The following ZFAND3 variants were observed in gnomAD, a reference collection of about 807,000 sequenced individuals.
ZFAND3 encodes the protein zinc finger AN1-type containing 3, also known as AN1-type zinc finger protein 3.
ZFAND3 carries 10 observed loss-of-function variants against 29.6 expected under a neutral mutation model. That is an observed-to-expected ratio of 0.34 (90% CI 0.21 to 0.57). The LOEUF is 0.57. Among genes scored for constraint, ZFAND3 ranks in the 20% least tolerant of loss-of-function variants. The pLI, the probability that ZFAND3 is intolerant of heterozygous loss-of-function variation, is 0.86. For missense variants in ZFAND3, 230 were observed against 304.5 expected (o/e 0.76, Z 1.82); for synonymous variants, 128 against 112.6 (o/e 1.14, Z -0.87).
chr6:38,014,741 A>G (rs1214210046), intron 2 of ZFAND3, among the ~76,000 whole-genome samples: 3 of 152,084 alleles, frequency 2.0e-5, no homozygotes, highest in East Asian at 3.8e-4. Flanking sequence ...CTCCTGGCGG[A>G]TGGGATTGGC....
At chr6:38,002,631 C>T (rs2645108) in intron 2 of ZFAND3, among the ~76,000 whole-genome samples, 2 of 152,072 alleles carry the variant, frequency 1.3e-5, no homozygotes, top group African/African-American at 4.8e-5. Context: ...TGCCACTGCA[C>T]TGCAGCCTGG....
At chr6:37,869,746 C>A (rs549730804) in intron 1 of ZFAND3, among the ~76,000 whole-genome samples, 1 of 151,538 alleles carries the variant, frequency 6.6e-6, no homozygotes, top group African/African-American at 2.4e-5. Flanking sequence ...CTCCTGGCCT[C>A]TAGTGATTCT....
chr6:37,923,817 A>G (rs1050501053), intron 1 of ZFAND3, among the ~76,000 whole-genome samples: 40 of 152,190 alleles, frequency 2.6e-4, no homozygotes, highest in African/African-American at 8.9e-4. Flanking sequence ...GTGCATGACT[A>G]TATGTAATGT....
intron 1 of ZFAND3, among the ~76,000 whole-genome samples, chr6:37,856,194 C>A (rs1764379326): frequency 6.6e-6 from 1 of 151,934 alleles, no homozygotes; most frequent in African/African-American, 2.4e-5. Context: ...CCAGTTTCGC[C>A]ATGTTGCCCG....
intron 2 of ZFAND3, among the ~76,000 whole-genome samples, chr6:38,042,420 TCTC>T (rs981175987): frequency 9.9e-5 from 15 of 151,456 alleles, no homozygotes; most frequent in Admixed American, 9.9e-4. Context: ...TTCAAGCAAT[TCTC>T]CTGCTTCAGC....
chr6:38,152,625 A>G lies in ZFAND3; in HGVS notation c.*236A>G. Reference sequence around the variant, plus strand: ...ATTGTATAAAATTAAAACATGAAGAATATTTTTTTTTTGAGCATGGCTAGT... The same window carrying G: ...ATTGTATAAAATTAAAACATGAAGAGTATTTTTTTTTTGAGCATGGCTAGT... On this transcript the variant is annotated 3_prime_UTR_variant, in exon 6 of 6. Coordinates refer to ENST00000287218, the MANE Select transcript of ZFAND3 (RefSeq NM_021943.3). 8.2e-7 allele frequency: 1 copy of G among 1,219,016 alleles called. No homozygotes were observed. Among genetic ancestry groups the G allele is most frequent in the Non-Finnish European group, 1.0e-6 (1 of 979,462 alleles). The allele number at this position is 1,219,016 out of a possible 1,614,324, so 75.5% of individuals were successfully genotyped here.
intron 4 of ZFAND3, among the ~76,000 whole-genome samples, chr6:38,092,619 C>T (rs1437584328): frequency 1.3e-5 from 2 of 151,902 alleles, no homozygotes; most frequent in African/African-American, 4.8e-5. Flanking sequence ...AGGAGTAGGA[C>T]TGTGTTTTCC....
At chr6:37,849,262 T>TCAATTTTCAA (rs1317416952) in intron 1 of ZFAND3, among the ~76,000 whole-genome samples, 12 of 152,126 alleles carry the variant, frequency 7.9e-5, no homozygotes, top group Admixed American at 2.0e-4. Flanking sequence ...AGAGTTGCAT[T>TCAATTTTCAA]GTTCTATTCA....
Position 38,152,609 on chromosome 6 carries a change from A to T in ZFAND3, c.*220A>T, listed in dbSNP as rs940773480. ...AAGGTGCCTGCTAGCCATTGTATAA[A>T]ATTAAAACATGAAGAATATTTTTTT... On this transcript the variant is annotated 3_prime_UTR_variant, in exon 6 of 6. Coordinates refer to ENST00000287218, the MANE Select transcript of ZFAND3 (RefSeq NM_021943.3). 1.4e-5 allele frequency: 17 copies of T among 1,237,266 alleles called. No individual in the cohort carries two copies. The highest frequency in any genetic ancestry group is 1.7e-5 in the Non-Finnish European group (17 of 990,524). 76.6% of individuals were successfully genotyped at this position (1,237,266 alleles called of 1,614,324 possible).
At chr6:37,904,507 A>C (rs1287296197) in intron 1 of ZFAND3, among the ~76,000 whole-genome samples, 1 of 152,204 alleles carries the variant, frequency 6.6e-6, no homozygotes, top group African/African-American at 2.4e-5. Context: ...CAGCCCAATG[A>C]AAATGTGGAT....
At chr6:38,056,041 G>A (rs1386712790) in intron 2 of ZFAND3, among the ~76,000 whole-genome samples, 1 of 152,166 alleles carries the variant, frequency 6.6e-6, no homozygotes, top group Non-Finnish European at 1.5e-5. Flanking sequence ...ACAGAGTGCT[G>A]TGCCAATAGA....
intron 2 of ZFAND3, among the ~76,000 whole-genome samples, chr6:38,000,992 T>G (rs1420952818): frequency 6.6e-6 from 1 of 152,206 alleles, no homozygotes; most frequent in Non-Finnish European, 1.5e-5. Flanking sequence ...TTATAGGCAC[T>G]GGACCTTCCT....
chr6:37,924,987 A>G (rs1262927717), intron 1 of ZFAND3, among the ~76,000 whole-genome samples: 1 of 152,026 alleles, frequency 6.6e-6, no homozygotes, highest in Non-Finnish European at 1.5e-5. Flanking sequence ...AAAGGCAAGC[A>G]TGGTTGAAAT....
chr6:37,887,616 A>G (rs17512095), intron 1 of ZFAND3, among the ~76,000 whole-genome samples: 9,965 of 152,248 alleles, frequency 0.065, 399 homozygotes, highest in Non-Finnish European at 0.094. Context: ...TTTTGCTTCT[A>G]TTTAGATTGG....
intron 1 of ZFAND3, among the ~76,000 whole-genome samples, chr6:37,902,114 A>G (rs1421792438): frequency 3.3e-5 from 5 of 152,106 alleles, no homozygotes; most frequent in African/African-American, 7.2e-5. Flanking sequence ...GGTGGGGTTA[A>G]TTTGGAATCT....
intron 1 of ZFAND3, among the ~76,000 whole-genome samples, chr6:37,853,813 T>A (rs1315406032): frequency 6.6e-6 from 1 of 152,230 alleles, no homozygotes; most frequent in Non-Finnish European, 1.5e-5. Context: ...TGTATAATAA[T>A]TCTTGATTAC....
intron 5 of ZFAND3, among the ~76,000 whole-genome samples, chr6:38,144,233 T>TATA (rs1562016253): frequency 5.0e-5 from 3 of 59,676 alleles, no homozygotes; most frequent in African/African-American, 1.5e-4. Flanking sequence ...ATATATATAT[T>TATA]TTTTTTTTAA....
chr6:38,088,839 AG>A (rs1452152307), intron 4 of ZFAND3, among the ~76,000 whole-genome samples: 7 of 152,218 alleles, frequency 4.6e-5, no homozygotes, highest in African/African-American at 1.7e-4. Context: ...TGAGGCCATA[AG>A]GGAGCTGTAG....
At chr6:38,136,440 C>T (rs552719276) in intron 5 of ZFAND3, among the ~76,000 whole-genome samples, 1 of 152,264 alleles carries the variant, frequency 6.6e-6, no homozygotes, top group Admixed American at 6.5e-5. Flanking sequence ...TGCTGTCTTC[C>T]ATAGAAGACA....
Sources: allele counts gnomAD v4.1 joint callset (sites outside exome capture counted in the v4.1 genomes callset), GRCh38; gene constraint gnomAD v4.1.1; transcripts MANE v1.5; gene names NCBI Gene and HGNC (gene_info 2026-07-23, HGNC 2026-07-21).